The following ROBO2 variants were observed in gnomAD, a reference collection of about 807,000 sequenced individuals.
ROBO2 encodes roundabout guidance receptor 2.
ROBO2 carries 53 observed loss-of-function variants against 160.8 expected under a neutral mutation model. The observed-to-expected ratio is 0.33, with a 90% CI of 0.26 to 0.41. The LOEUF (loss-of-function observed/expected upper bound fraction) is 0.41, where lower values mean the gene tolerates loss of function less well. Ranked by LOEUF, ROBO2 falls within the 10% of genes least tolerant of loss-of-function variation. The pLI is 1.00. For synonymous variants in ROBO2, 664 were observed against 611.7 expected, an observed-to-expected ratio of 1.09 and a Z score of -1.26; for missense variants, 1,577 against 1,722.4, an observed-to-expected ratio of 0.92 and a Z score of 1.49.
rs141873834 is a variant in ROBO2, at chr3:76,383,955, G to A, written c.109+446353G>A. 1.5e-3 allele frequency among the ~76,000 whole-genome samples: 228 copies of A among 152,326 alleles called. 1 individual carries two copies. The highest frequency in any genetic ancestry group is 3.5e-3 in the South Asian group (17 of 4,830). ...TTTAAACTTAGACTTCACAGTGGCAGTGTCTGCAGCGGAACTGGCAGATGT... is the reference window on the plus strand; with the variant it reads ...TTTAAACTTAGACTTCACAGTGGCAATGTCTGCAGCGGAACTGGCAGATGT... On this transcript the variant is annotated intron_variant, in intron 2 of 26. Transcript: ENST00000487694.
At chr3:76,323,621 A>G (rs141965890) in intron 2 of ROBO2, among the ~76,000 whole-genome samples, 18 of 152,290 alleles carry the variant, frequency 1.2e-4, no homozygotes, top group Non-Finnish European at 2.6e-4. Flanking sequence ...CAGATCACAT[A>G]TATAAAATTG....
intron 2 of ROBO2, among the ~76,000 whole-genome samples, chr3:76,900,937 A>T (rs772648494): frequency 4.6e-5 from 7 of 152,162 alleles, no homozygotes; most frequent in Non-Finnish European, 8.8e-5. Flanking sequence ...ATAAATTCAC[A>T]ATCTTGTGTT....
chr3:76,603,828 A>G (rs2108990844), intron 2 of ROBO2, among the ~76,000 whole-genome samples: 1 of 152,198 alleles, frequency 6.6e-6, no homozygotes, highest in East Asian at 1.9e-4. Flanking sequence ...GTTTGTTTTT[A>G]TTTTGTTAAA....
At chr3:76,488,849 C>A (rs981922987) in intron 2 of ROBO2, among the ~76,000 whole-genome samples, 1 of 152,006 alleles carries the variant, frequency 6.6e-6, no homozygotes, top group African/African-American at 2.4e-5. Context: ...GTTAGAAAAT[C>A]AAGTTTACTA....
At chr3:76,781,368 A>G (rs944915325) in intron 2 of ROBO2, among the ~76,000 whole-genome samples, 6 of 150,782 alleles carry the variant, frequency 4.0e-5, no homozygotes, top group Admixed American at 4.0e-4. Flanking sequence ...AGACAATTCT[A>G]CTTCTTTCTT....
intron 2 of ROBO2, among the ~76,000 whole-genome samples, chr3:76,757,445 C>T (rs956367766): frequency 6.6e-6 from 1 of 151,936 alleles, no homozygotes; most frequent in Non-Finnish European, 1.5e-5. Context: ...ACAGGGTTTT[C>T]GTGTGGTCAC....
intron 2 of ROBO2, among the ~76,000 whole-genome samples, chr3:76,215,317 CTTTGATG>C (rs1205384561): frequency 6.6e-6 from 1 of 152,128 alleles, no homozygotes; most frequent in African/African-American, 2.4e-5. Context: ...TGGAGAATGA[CTTTGATG>C]GGTTGAGAGA....
chr3:76,456,155 A>G (rs2077739756), intron 2 of ROBO2, among the ~76,000 whole-genome samples: 1 of 152,196 alleles, frequency 6.6e-6, no homozygotes, highest in Non-Finnish European at 1.5e-5. Context: ...AGTACCTAAC[A>G]GCAGGTGTTC....
At chr3:77,132,749 C>A (rs912011472) in intron 2 of ROBO2, among the ~76,000 whole-genome samples, 2 of 150,888 alleles carry the variant, frequency 1.3e-5, no homozygotes, top group Admixed American at 6.6e-5. Context: ...GTGAAAATGT[C>A]TACAATACTG....
intron 2 of ROBO2, among the ~76,000 whole-genome samples, chr3:77,334,604 G>A (rs1469675462): frequency 6.6e-6 from 1 of 152,106 alleles, no homozygotes; most frequent in East Asian, 1.9e-4. Context: ...CTAAAGCTCT[G>A]GGATATCCCT....
chr3:77,055,683 T>G lies in ROBO2; in HGVS notation c.61+14837T>G, dbSNP rs548619582. On this transcript the variant is annotated intron_variant, in intron 1 of 25. Transcript: ENST00000461745. ...TGGATTATAACTTGTGTGAAATAAA[T>G]GTAACAAAACCACATTTTTGACCCT... Among the ~76,000 whole-genome samples, 10 of 152,276 alleles carry G rather than the reference T, an allele frequency of 6.6e-5. No homozygotes were observed. The East Asian group carries it at 1.9e-3, about 29-fold the overall frequency.
At chr3:77,396,281 C>T (rs1581624754) in intron 2 of ROBO2, among the ~76,000 whole-genome samples, 1 of 152,112 alleles carries the variant, frequency 6.6e-6, no homozygotes, top group South Asian at 2.1e-4. Flanking sequence ...CTAGAAAAAT[C>T]AGTCAAAATT....
At chr3:76,044,417 A>G (rs955682265) in intron 2 of ROBO2, among the ~76,000 whole-genome samples, 15 of 152,040 alleles carry the variant, frequency 9.9e-5, no homozygotes, top group Non-Finnish European at 1.3e-4. Context: ...AAGTTTTCAG[A>G]TTTATTGGTC....
chr3:76,092,212 A>G (rs777453418), intron 2 of ROBO2, among the ~76,000 whole-genome samples: 1 of 152,184 alleles, frequency 6.6e-6, no homozygotes, highest in Non-Finnish European at 1.5e-5. Context: ...TTACCACTCA[A>G]TTAGGTTGTC....
chr3:76,261,502 A>G (rs185271712), intron 2 of ROBO2, among the ~76,000 whole-genome samples: 19 of 152,100 alleles, frequency 1.2e-4, no homozygotes, highest in African/African-American at 4.3e-4. Context: ...GATTTAATAT[A>G]CAATTATGTT....
At chr3:76,295,636 T>C (rs1709031555) in intron 2 of ROBO2, among the ~76,000 whole-genome samples, 1 of 152,176 alleles carries the variant, frequency 6.6e-6, no homozygotes. Context: ...GTGTGTGTGA[T>C]CTGAGTCTTT....
At chr3:76,102,089 G>T (rs934629832) in intron 2 of ROBO2, among the ~76,000 whole-genome samples, 1 of 150,034 alleles carries the variant, frequency 6.7e-6, no homozygotes, top group Non-Finnish European at 1.5e-5. Flanking sequence ...TCCCCTTCCT[G>T]TGTCCATGTG....
chr3:77,402,904 G>T (rs1207652778), intron 2 of ROBO2, among the ~76,000 whole-genome samples: 1 of 151,904 alleles, frequency 6.6e-6, no homozygotes, highest in East Asian at 1.9e-4. Flanking sequence ...TGCTCTAAAG[G>T]TTTCTAATAA....
At chr3:77,118,333 A>G (rs2074405245) in intron 2 of ROBO2, among the ~76,000 whole-genome samples, 1 of 152,336 alleles carries the variant, frequency 6.6e-6, no homozygotes, top group South Asian at 2.1e-4. Context: ...AAAAGACACA[A>G]TTTAAAAAAT....
Sources: gnomAD v4.1 joint callset for allele counts (sites outside exome capture counted in the v4.1 genomes callset) on GRCh38, gnomAD v4.1.1 for gene constraint, MANE v1.5 for transcripts, NCBI Gene and HGNC (gene_info 2026-07-23, HGNC 2026-07-21) for gene names.